Variants in SHANK1 observed in about 807,000 individuals in gnomAD.
The protein encoded by SHANK1 is SH3 and multiple ankyrin repeat domains 1.
A neutral mutation model predicts 165.6 loss-of-function variants in SHANK1; 35 were observed. That is an observed-to-expected ratio of 0.21 (90% CI 0.16 to 0.28). The LOEUF (loss-of-function observed/expected upper bound fraction) is 0.28, where lower values mean the gene tolerates loss of function less well. Ranked by LOEUF, SHANK1 falls within the 10% of genes least tolerant of loss-of-function variation. SHANK1 has a pLI of 1.00. For missense variants in SHANK1, 2,681 were observed against 3,036.4 expected (o/e 0.88, Z 2.75); for synonymous variants, 1,428 against 1,384.8 (o/e 1.03, Z -0.69).
chr19:50,713,623 G>A lies in SHANK1; in HGVS notation c.792+175C>T, dbSNP rs2089034938. 6.6e-6 allele frequency among the ~76,000 whole-genome samples: 1 copy of A among 152,096 alleles called. No homozygotes were observed. Among genetic ancestry groups the A allele is most frequent in the African/African-American group, 2.4e-5 (1 of 41,386 alleles). On this transcript the variant is annotated intron_variant, in intron 6 of 23. Coordinates refer to ENST00000293441, the MANE Select transcript of SHANK1 (RefSeq NM_016148.5). The surrounding 1 kb of genome is among the most constrained non-coding windows in gnomAD (Gnocchi z 6.2). Reference sequence around the variant, plus strand: ...TATAGCCCAGGTGGGTGCATCTGGGGGGCCTGACAAGGGTGACAATAGGGG... The same window carrying A: ...TATAGCCCAGGTGGGTGCATCTGGGAGGCCTGACAAGGGTGACAATAGGGG...
At chr19:50,694,786 C>T (rs1458939794) in intron 15 of SHANK1, among the ~76,000 whole-genome samples, 1 of 10,436 alleles carries the variant, frequency 9.6e-5, no homozygotes, top group Admixed American at 1.2e-3. Flanking sequence ...GGGGAAGGGG[C>T]GGGTTGGGGG....
rs1461260694 is a variant in SHANK1, at chr19:50,668,242, C to A, written c.3718G>T (p.Ala1240Ser). The A allele has an allele frequency of 1.4e-6, 2 of 1,458,096 alleles. No homozygotes were observed. Among genetic ancestry groups the A allele is most frequent in the South Asian group, 1.4e-5 (1 of 70,498 alleles). The allele number at this position is 1,458,096 out of a possible 1,614,324, so 90.3% of individuals were successfully genotyped here. A position where few individuals can be genotyped will look rare whatever the true frequency, so the allele number is the denominator to read the frequency against. Residue 1240 changes from alanine (A) to serine (S), a missense_variant, in exon 23 of 24, where the codon GCC becomes TCC. By Grantham distance (99) the Ala-to-Ser change is moderately conservative. This residue lies in a region of SHANK1 where 1,713 missense variants were observed against 1,630.2 expected (regional missense o/e 1.05). Coordinates refer to ENST00000293441, the MANE Select transcript of SHANK1 (RefSeq NM_016148.5). ...SQFGAALVGA[A>S]RREGGWQNEA... ...TTCTGCCAGCCCCCCTCCCTCCGGGCCGCCCCCACCAGGGCGGCCCCGAAC... is the reference window on the plus strand; with the variant it reads ...TTCTGCCAGCCCCCCTCCCTCCGGGACGCCCCCACCAGGGCGGCCCCGAAC...
At chr19:50,679,433 T>G (rs533569013) in intron 21 of SHANK1, among the ~76,000 whole-genome samples, 1 of 152,214 alleles carries the variant, frequency 6.6e-6, no homozygotes, top group African/African-American at 2.4e-5. Flanking sequence ...GATGTCAGAC[T>G]GACGGAGGAA....
Position 50,679,875 on chromosome 19 carries a change from G to A in SHANK1, c.2577+6362C>T, listed in dbSNP as rs541527074. Among the ~76,000 whole-genome samples, 18 of 151,986 alleles carry A rather than the reference G, an allele frequency of 1.2e-4. 1 individual carries two copies. In the Middle Eastern group the frequency reaches 0.031, roughly 258 times the overall value. ...AGAGAGACAGAGACAGACAGACAAA[G>A]GCAAAGATGGGGAGAGAGACAGAGA... On this transcript the variant is annotated intron_variant, in intron 21 of 23. Coordinates refer to ENST00000293441, the MANE Select transcript of SHANK1 (RefSeq NM_016148.5).
chr19:50,683,955 G>C (rs139316294), intron 21 of SHANK1, among the ~76,000 whole-genome samples: 43 of 152,320 alleles, frequency 2.8e-4, no homozygotes, highest in Non-Finnish European at 5.3e-4. Context: ...GTCTTGATGA[G>C]AGACACACTT....
chr19:50,719,022 A>C (rs2089101953), intron 1 of SHANK1, among the ~76,000 whole-genome samples: 1 of 147,096 alleles, frequency 6.8e-6, no homozygotes, highest in African/African-American at 2.5e-5. Context: ...GGGAGTGGGG[A>C]CCAGGGTGAC....
rs1568441246 is a variant in SHANK1, at chr19:50,702,496, A to C, written c.1718T>G (p.Ile573Ser). ...KSYQAQAEGEISLSKGEKIKV... is the reference protein window; with the variant it reads ...KSYQAQAEGESSLSKGEKIKV... ...GATCTTCTCGCCCTTGCTCAGGGAG[A>C]TCTCCCCCTCGGCTTGGGCCTGGTA... Residue 573 changes from isoleucine to serine, a missense_variant, in exon 12 of 24, where the codon ATC (isoleucine) becomes AGC (serine). By Grantham distance (142) the Ile-to-Ser change is moderately radical (BLOSUM62 -2). This residue lies in a region of SHANK1 where 147 missense variants were observed against 256.5 expected (regional missense o/e 0.57). Transcript: ENST00000293441. The surrounding 1 kb of genome is among the most constrained non-coding windows in gnomAD (Gnocchi z 5.3). 6.2e-7 allele frequency: 1 copy of C among 1,612,664 alleles called. No individual in the cohort carries two copies. The highest frequency in any genetic ancestry group is 8.5e-7 in the Non-Finnish European group (1 of 1,179,672).
chr19:50,667,994 A>G lies in SHANK1; in HGVS notation c.3966T>C (p.Gly1322=). 2.1e-6 allele frequency: 3 copies of G among 1,460,806 alleles called. No homozygotes were observed. Among genetic ancestry groups the G allele is most frequent in the Non-Finnish European group, 2.7e-6 (3 of 1,111,744 alleles). 90.5% of individuals were successfully genotyped at this position (1,460,806 alleles called of 1,614,324 possible). The stretch of plus-strand genomic sequence containing the variant: ...TGGTGAAGGCGCTGCTGCCCCCGCC[A>G]CCCCCGTAGGCTCGGCTACCGGCCC... ...GYGAGSRAYG[G]GGGSSAFTSF... Residue 1322 remains glycine, a synonymous_variant, in exon 23 of 24, where the codon GGT becomes GGC. Transcript: ENST00000293441. The surrounding 1 kb of genome is among the most constrained non-coding windows in gnomAD (Gnocchi z 5.7).
chr19:50,668,442 T>C lies in SHANK1; in HGVS notation c.3518A>G (p.Gln1173Arg). The stretch of plus-strand genomic sequence containing the variant: ...GGGCTCCGCCTCGGTGCTGCTGCCC[T>C]GGCTGCTGCGGCCGCTGCTACTGGT... Reference protein sequence around the residue: ...PSTSSSGRSSQGSSTEAEPPT... With the variant: ...PSTSSSGRSSRGSSTEAEPPT... Residue 1173 changes from glutamine (Q) to arginine (R), a missense_variant, in exon 23 of 24, where the codon CAG becomes CGG. By Grantham distance (43) the Gln-to-Arg change is conservative. This residue lies in a region of SHANK1 where 1,713 missense variants were observed against 1,630.2 expected (regional missense o/e 1.05). Coordinates refer to ENST00000293441, the MANE Select transcript of SHANK1 (RefSeq NM_016148.5). The C allele has an allele frequency of 7.5e-7, 1 of 1,334,098 alleles. No individual in the cohort carries two copies. Among genetic ancestry groups the C allele is most frequent in the Non-Finnish European group, 9.6e-7 (1 of 1,041,258 alleles). 82.6% of individuals were successfully genotyped at this position (1,334,098 alleles called of 1,614,324 possible).
At chr19:50,663,037 C>G (rs924548748) in intron 23 of SHANK1, 1 of 312,148 alleles carries the variant, frequency 3.2e-6, no homozygotes, top group African/African-American at 2.2e-5. Context: ...AGTTTAATCC[C>G]CACGACAGCC....
At position 50,667,875 on chromosome 19, in the gene SHANK1, C is replaced by T. The variant is rs866873686; in HGVS notation, c.4085G>A (p.Arg1362Gln). The T allele has an allele frequency of 1.3e-5, 17 of 1,315,760 alleles. No individual in the cohort carries two copies. Among genetic ancestry groups the T allele is most frequent in the African/African-American group, 1.5e-5 (1 of 64,640 alleles). The allele number at this position is 1,315,760 out of a possible 1,614,324, so 81.5% of individuals were successfully genotyped here. Residue 1362 changes from arginine to glutamine, a missense_variant, in exon 23 of 24, where the codon CGA (arginine) becomes CAA (glutamine). Physicochemically the swap from Arg to Gln is conservative, Grantham distance 43. Transcript: ENST00000293441. The surrounding 1 kb of genome is among the most constrained non-coding windows in gnomAD (Gnocchi z 5.7). ...GCCCTCCGAGGACTCCTTCAGCGCTCGCTCGCGGGCGGCCAGGGCCAGCCC... is the reference window on the plus strand; with the variant it reads ...GCCCTCCGAGGACTCCTTCAGCGCTTGCTCGCGGGCGGCCAGGGCCAGCCC... ...PLGLALAARE[R>Q]ALKESSEGGG...
At position 50,670,628 on chromosome 19, in the gene SHANK1, A is replaced by G. The variant is rs114997561; in HGVS notation, c.2675-1343T>C. Among the ~76,000 whole-genome samples, 2,826 of 146,452 alleles carry G rather than the reference A, an allele frequency of 0.019. 72 individuals are homozygous for G. The highest frequency in any genetic ancestry group is 0.064 in the African/African-American group (2,661 of 41,272). On this transcript the variant is annotated intron_variant, in intron 22 of 23. Transcript: ENST00000293441. The surrounding 1 kb of genome is among the most constrained non-coding windows in gnomAD (Gnocchi z 4.1). ...GGGACCCTGTCCCCCCACTGCCCTC[A>G]TGTCCAGTGCTCACTTGGCCCCTGC... is the stretch of plus-strand genomic sequence containing the variant.
In SHANK1 at chr19:50,689,229, T is replaced by A; in HGVS notation, c.2015A>T (p.Glu672Val). The change falls in exon 16 of 24, where the codon GAG becomes GTG. Residue 672 changes from glutamate (E) to valine (V), a missense_variant. This residue lies in a region of SHANK1 where 147 missense variants were observed against 256.5 expected (regional missense o/e 0.57). Transcript: ENST00000293441. ...KTVLLQKKDS[E>V]GFGFVLRGAK... The stretch of plus-strand genomic sequence containing the variant: ...CCCCCGGAGCACGAACCCAAACCCC[T>A]CACTGTCCTTCTTCTGCAGCAAGAC... The A allele has an allele frequency of 6.2e-7, 1 of 1,610,998 alleles. No individual in the cohort carries two copies. Among genetic ancestry groups the A allele is most frequent in the Non-Finnish European group, 8.5e-7 (1 of 1,178,814 alleles).
rs1986774333 is a variant in SHANK1, at chr19:50,697,349, G to A, written c.1938-227C>T. ...CGGCCCCCCCAGGCATCCCCACCCTGCCCTGACCACCCCGTTGTCTCTGGC... is the reference window on the plus strand; with the variant it reads ...CGGCCCCCCCAGGCATCCCCACCCTACCCTGACCACCCCGTTGTCTCTGGC... On this transcript the variant is annotated intron_variant, in intron 14 of 23. Transcript: ENST00000293441. The surrounding 1 kb of genome is among the most constrained non-coding windows in gnomAD (Gnocchi z 4.7). Among the ~76,000 whole-genome samples, 1 of 152,144 alleles carries A rather than the reference G, an allele frequency of 6.6e-6. No homozygotes were observed. Among genetic ancestry groups the A allele is most frequent in the Non-Finnish European group, 1.5e-5 (1 of 68,016 alleles).
At position 50,662,566 on chromosome 19, in the gene SHANK1, G is replaced by A. The variant is rs1375945105; in HGVS notation, c.5885C>T (p.Ala1962Val). Residue 1962 changes from alanine to valine, a missense_variant, in exon 24 of 24, where the codon GCC becomes GTC. This residue lies in a region of SHANK1 where 1,713 missense variants were observed against 1,630.2 expected (regional missense o/e 1.05). Transcript: ENST00000293441. This position sits in a 1 kb window ranked among gnomAD's most constrained non-coding sequence, Gnocchi z 7.7. ...TGAGGTGGCCCCTGGGGCCGCAGCG[G>A]CTGTAGGGGAGACCCCTGTTCCGGT... The part of the protein sequence containing the change: ...LPTGTGVSPT[A>V]AAAPGATSPS... 1.3e-6 allele frequency: 2 copies of A among 1,562,888 alleles called. No individual in the cohort carries two copies. The highest frequency in any genetic ancestry group is 1.2e-5 in the South Asian group (1 of 85,062).
rs938337845 is a variant in SHANK1, at chr19:50,718,389, C to A, written c.-44+1017G>T. On this transcript the variant is annotated intron_variant, in intron 1 of 23. Transcript: ENST00000293441. The surrounding 1 kb of genome is among the most constrained non-coding windows in gnomAD (Gnocchi z 5.1). Reference sequence around the variant, plus strand: ...GACACTCCCCCTCGGCTGACCCTGGCTGACCCCCAGCCTCAACCCCGCTCG... The same window carrying A: ...GACACTCCCCCTCGGCTGACCCTGGATGACCCCCAGCCTCAACCCCGCTCG... Among the ~76,000 whole-genome samples the A allele has an allele frequency of 2.6e-5, 4 of 152,164 alleles. No homozygotes were observed. The highest frequency in any genetic ancestry group is 4.4e-5 in the Non-Finnish European group (3 of 68,014).
chr19:50,666,121 A>G, intron 23 of SHANK1, 71 bp downstream of exon 23: 1 of 1,411,484 alleles, frequency 7.1e-7, no homozygotes, highest in Non-Finnish European at 9.4e-7. Flanking sequence ...TGCCACCCTG[A>G]GACCCTAAAG....
chr19:50,670,847 G>C lies in SHANK1; in HGVS notation c.2674+1171C>G, dbSNP rs928984592. ...CTCGCTCTGTCGCCCAGGCTGGAGT[G>C]CAATGGTGCGATCTTTGCTCACTGC... On this transcript the variant is annotated intron_variant, in intron 22 of 23. Transcript: ENST00000293441. This position sits in a 1 kb window ranked among gnomAD's most constrained non-coding sequence, Gnocchi z 4.1. 1.3e-5 allele frequency among the ~76,000 whole-genome samples: 2 copies of C among 151,846 alleles called. No individual in the cohort carries two copies. Among genetic ancestry groups the C allele is most frequent in the African/African-American group, 2.4e-5 (1 of 41,304 alleles).
At position 50,660,148 on chromosome 19, in the gene SHANK1, C is replaced by G. The variant is rs966400809; in HGVS notation, c.*1817G>C. ...GGGGGACCTGAGGGCAACGCCCTCC[C>G]CCCTTTACCCACAGCAGGGGAGGGG... On this transcript the variant is annotated 3_prime_UTR_variant, in exon 24 of 24. Transcript: ENST00000293441. 2.6e-5 allele frequency among the ~76,000 whole-genome samples: 4 copies of G among 151,284 alleles called. No homozygotes were observed. The highest frequency in any genetic ancestry group is 6.6e-5 in the Admixed American group (1 of 15,218).
Sources: allele counts gnomAD v4.1 joint callset (sites outside exome capture counted in the v4.1 genomes callset), GRCh38; gene constraint gnomAD v4.1.1; regional missense constraint gnomAD v4.1.1; non-coding constraint Gnocchi (gnomAD v3.1); transcripts MANE v1.5; gene names NCBI Gene and HGNC (gene_info 2026-07-23, HGNC 2026-07-21).